The following LSM5 variants were observed in gnomAD, a reference collection of about 807,000 sequenced individuals.
The protein encoded by LSM5 is U6 snRNA-associated Sm-like protein LSm5.
In LSM5, 8 loss-of-function variants were observed where a neutral mutation model predicts 13.8. The ratio of observed to expected loss-of-function variants is 0.58; its 90% CI spans 0.34 to 1.04. LSM5 has a LOEUF of 1.04. LSM5 is among the 50% of genes least tolerant of loss of function. The probability of loss-of-function intolerance (pLI) is 0.03; values close to 1 mark genes in which losing one functional copy is unlikely to be tolerated. For synonymous variants in LSM5, 35 were observed against 37.0 expected (o/e 0.95, Z 0.20); for missense variants, 80 against 108.1 (o/e 0.74, Z 1.15).
upstream of LSM5, chr7:32,490,405 C>G (rs187686896): frequency 4.5e-6 from 7 of 1,554,162 alleles, no homozygotes; most frequent in East Asian, 1.6e-4. Flanking sequence ...GATGGTGGGA[C>G]GACTTTGAAA....
rs1338924265 is a variant in LSM5 at position 32,486,169 on chromosome 7, T to C, written c.*1092A>G. ...CATTTTTGAGTTTATTCTAGAAAAATACAAATGTATAAAGATCTAGTTAGA... is the reference window on the plus strand; with the variant it reads ...CATTTTTGAGTTTATTCTAGAAAAACACAAATGTATAAAGATCTAGTTAGA... On this transcript the variant is annotated 3_prime_UTR_variant, in exon 5 of 5. Transcript: ENST00000450169. 1 of 152,096 alleles carries C rather than the reference T, an allele frequency of 6.6e-6. No individual in the cohort carries two copies. The highest frequency in any genetic ancestry group is 1.5e-5 in the Non-Finnish European group (1 of 68,012). 9.4% of individuals were successfully genotyped at this position (152,096 alleles called of 1,614,324 possible). A position where few individuals can be genotyped will look rare whatever the true frequency, so the allele number is the denominator to read the frequency against.
rs778571753 is a variant in LSM5, at chr7:32,490,327, C to T, written c.39G>A (p.Leu13=). 14 of 1,614,082 alleles carry T rather than the reference C, an allele frequency of 8.7e-6. No homozygotes were observed. The highest frequency in any genetic ancestry group is 1.2e-5 in the Non-Finnish European group (14 of 1,180,024). Residue 13 remains leucine (L), a synonymous_variant, in exon 1 of 5, where the codon CTG becomes CTA. Coordinates refer to ENST00000450169, the MANE Select transcript of LSM5 (RefSeq NM_012322.3). The part of the protein sequence containing the change: ...ANATTNPSQL[L]PLELVDKCIG... ...CCAAAGGACGGCGATTACCTAAGGG[C>T]AGCAGCTGCGACGGGTTGGTAGTAG... is the stretch of plus-strand genomic sequence containing the variant.
chr7:32,491,613 T>C (rs3763442), upstream of LSM5, among the ~76,000 whole-genome samples: 2 of 152,314 alleles, frequency 1.3e-5, no homozygotes, highest in East Asian at 3.9e-4. Context: ...TATTTGACAA[T>C]GGGCAAGTTA....
chr7:32,490,468 G>A (rs1786558460), upstream of LSM5: 4 of 944,806 alleles, frequency 4.2e-6, no homozygotes, highest in Non-Finnish European at 5.1e-6. Flanking sequence ...ATCTGAGGCC[G>A]AGCGCACGAT....
intron 4 of LSM5, 191 bp downstream of exon 4, chr7:32,487,494 C>A: frequency 3.0e-6 from 2 of 662,744 alleles, no homozygotes; most frequent in Non-Finnish European, 5.4e-6. Flanking sequence ...TCCAAGCAAA[C>A]TAACCTTTAG....
At position 32,487,270 on chromosome 7, in the gene LSM5, A is replaced by G; in HGVS notation, c.267T>C (p.Pro89=). The change falls in exon 5 of 5, where the codon CCT becomes CCC. Residue 89 remains proline (P), a synonymous_variant. Transcript: ENST00000450169. ...AGTCAAGGAAACTCATTCACACTTC[A>G]GGTCCTTCTCCTCCAGGAACCAGCT... The part of the protein sequence containing the change: ...ITMLVPGGEG[P]EV 1.2e-6 allele frequency: 2 copies of G among 1,613,828 alleles called. No individual in the cohort carries two copies. Among genetic ancestry groups the G allele is most frequent in the Non-Finnish European group, 1.7e-6 (2 of 1,179,770 alleles).
intron 3 of LSM5, 101 bp downstream of exon 3, chr7:32,488,524 C>A: frequency 1.2e-6 from 1 of 811,070 alleles, no homozygotes; most frequent in South Asian, 1.5e-5. Context: ...TAACGTTATT[C>A]CACCAAGAGG....
chr7:32,488,019 A>G (rs6971659), intron 3 of LSM5: 293,253 of 374,856 alleles, frequency 0.78, 116,191 homozygotes, highest in East Asian at 0.86. Flanking sequence ...TTGCCCAGGA[A>G]ATCAAATATG....
At chr7:32,488,479 C>A (rs1786497840) in intron 3 of LSM5, 146 bp downstream of exon 3, 5 of 622,092 alleles carry the variant, frequency 8.0e-6, no homozygotes, top group Admixed American at 2.8e-5. Flanking sequence ...CACTCTGATC[C>A]AATTTTACAA....
Position 32,487,512 on chromosome 7 carries a change from G to C in LSM5, c.243+173C>G, listed in dbSNP as rs574166815. ...AAGCAAACTAACCTTTAGACCCAAT[G>C]CCTCTTCAATAGCTGAGCTTTAGGA... On this transcript the variant is annotated intron_variant, in intron 4 of 4. Coordinates refer to ENST00000450169, the MANE Select transcript of LSM5 (RefSeq NM_012322.3). 2.4e-5 allele frequency: 16 copies of C among 667,174 alleles called. 1 individual carries two copies. Among genetic ancestry groups the C allele is most frequent in the South Asian group, 2.3e-4 (14 of 59,712 alleles). The allele number at this position is 667,174 out of a possible 1,614,324, so 41.3% of individuals were successfully genotyped here. A position where few individuals can be genotyped will look rare whatever the true frequency, so the allele number is the denominator to read the frequency against.
At chr7:32,492,533 CA>C (rs11435352), upstream of LSM5, among the ~76,000 whole-genome samples, 175 of 102,768 alleles carry the variant, frequency 1.7e-3, no homozygotes, top group African/African-American at 5.1e-3. Flanking sequence ...ACAACAACAA[CA>C]AAAAAAAAAC....
chr7:32,490,484 C>G, upstream of LSM5: 1 of 797,500 alleles, frequency 1.3e-6, no homozygotes, highest in Non-Finnish European at 2.1e-6. Flanking sequence ...ACGATCTAGT[C>G]AGCTGCGTGG....
upstream of LSM5, among the ~76,000 whole-genome samples, chr7:32,494,654 A>G (rs7799746): frequency 7.3e-3 from 1,114 of 152,344 alleles, 16 homozygotes; most frequent in African/African-American, 0.024. Context: ...TTGACATGAG[A>G]TTCACTGCTT....
At chr7:32,490,287 C>T (rs763079333) in intron 1 of LSM5, 33 bp downstream of exon 1, 12 of 1,614,202 alleles carry the variant, frequency 7.4e-6, no homozygotes, top group Non-Finnish European at 9.3e-6. Context: ...AATGTCAGCT[C>T]CCTGTTCCTG....
chr7:32,487,534 A>G, intron 4 of LSM5, 151 bp downstream of exon 4: 1 of 682,890 alleles, frequency 1.5e-6, no homozygotes, highest in Non-Finnish European at 2.6e-6. Context: ...GCTGAGCTTT[A>G]GGACCCTGAC....
At chr7:32,488,039 G>T in intron 3 of LSM5, 10 of 227,058 alleles carry the variant, frequency 4.4e-5, no homozygotes, top group African/African-American at 5.3e-5. Flanking sequence ...GAAATGAAAT[G>T]TTTTTTGGGT....
In LSM5 at chr7:32,485,444, T is replaced by C. The variant is rs1252219311; in HGVS notation, c.*1817A>G. The C allele has an allele frequency of 1.3e-5, 2 of 152,162 alleles. No homozygotes were observed. Among genetic ancestry groups the C allele is most frequent in the Non-Finnish European group, 2.9e-5 (2 of 68,034 alleles). The allele number at this position is 152,162 out of a possible 1,614,324, so 9.4% of individuals were successfully genotyped here. A position where few individuals can be genotyped will look rare whatever the true frequency, so the allele number is the denominator to read the frequency against. On this transcript the variant is annotated 3_prime_UTR_variant, in exon 5 of 5. Coordinates refer to ENST00000450169, the MANE Select transcript of LSM5 (RefSeq NM_012322.3). ...CATGCAACTACATTAAAATACATCA[T>C]TTATGTCAAAAATAGCACTAAGTGG...
At chr7:32,493,449 T>C (rs1786636823), upstream of LSM5, among the ~76,000 whole-genome samples, 1 of 151,924 alleles carries the variant, frequency 6.6e-6, no homozygotes, top group Non-Finnish European at 1.5e-5. Context: ...GTCCAGTCTG[T>C]GTATTTAGAG....
At chr7:32,492,134 C>G (rs1786609107), upstream of LSM5, among the ~76,000 whole-genome samples, 1 of 152,038 alleles carries the variant, frequency 6.6e-6, no homozygotes, top group Non-Finnish European at 1.5e-5. Context: ...ACCTCTTTTC[C>G]TGGTTTTCCT....
Sources: gnomAD v4.1 joint callset for allele counts (sites outside exome capture counted in the v4.1 genomes callset) on GRCh38, gnomAD v4.1.1 for gene constraint, MANE v1.5 for transcripts, NCBI Gene and HGNC (gene_info 2026-07-23, HGNC 2026-07-21) for gene names.